MACC1: variants seen among roughly 807,000 people sequenced by gnomAD.
MACC1 encodes the protein metastasis-associated in colon cancer protein 1.
Under a neutral mutation model 70.7 loss-of-function variants are expected in MACC1, and 79 were observed. The observed-to-expected ratio is 1.12, with a 90% CI of 0.93 to 1.35. The LOEUF is 1.35. Among genes scored for constraint, MACC1 ranks in the 40% most tolerant of loss-of-function variants. The pLI is 0.00. For synonymous variants in MACC1, 361 were observed against 347.2 expected (o/e 1.04, Z -0.44); for missense variants, 1,106 against 978.1 (o/e 1.13, Z -1.74).
intron 3 of MACC1, among the ~76,000 whole-genome samples, chr7:20,162,327 T>A (rs191218228): frequency 5.3e-5 from 8 of 152,276 alleles, no homozygotes; most frequent in Non-Finnish European, 8.8e-5. Context: ...TCTTTTTTAA[T>A]AGTTAAAATT....
At chr7:20,189,911 G>C (rs1418361694) in intron 1 of MACC1, among the ~76,000 whole-genome samples, 1 of 152,216 alleles carries the variant, frequency 6.6e-6, no homozygotes, top group East Asian at 1.9e-4. Context: ...TCCAAGATCA[G>C]GGTGTCAGGT....
At chr7:20,196,797 T>A (rs1485166516) in intron 1 of MACC1, among the ~76,000 whole-genome samples, 2 of 151,796 alleles carry the variant, frequency 1.3e-5, no homozygotes, top group African/African-American at 4.8e-5. Flanking sequence ...CTTAAAAAAA[T>A]AAGGTTGAAA....
chr7:20,194,681 G>A (rs28670623), intron 1 of MACC1, among the ~76,000 whole-genome samples: 12,106 of 152,214 alleles, frequency 0.08, 538 homozygotes, highest in Non-Finnish European at 0.1. Context: ...AATAAGGAAA[G>A]GCTGTCTTTC....
rs1782120627 is a variant in MACC1 at position 20,160,119 on chromosome 7, A to G, written c.242T>C (p.Ile81Thr). ...CTTCCTGTTATTTCTTAGTTGAGTTATGTCATCCAAAAATGGGTTAGAAGC... is the reference window on the plus strand; with the variant it reads ...CTTCCTGTTATTTCTTAGTTGAGTTGTGTCATCCAAAAATGGGTTAGAAGC... The part of the protein sequence containing the change: ...LSASNPFLDD[I>T]TQLRNNRKRN... Residue 81 changes from isoleucine to threonine, a missense_variant, in exon 5 of 7, where the codon ATA (isoleucine) becomes ACA (threonine). Coordinates refer to ENST00000400331, the MANE Select transcript of MACC1 (RefSeq NM_182762.4). The G allele has an allele frequency of 6.2e-7, 1 of 1,613,352 alleles. No individual in the cohort carries two copies. The highest frequency in any genetic ancestry group is 1.7e-5 in the Admixed American group (1 of 59,846).
chr7:20,177,110 T>C (rs1180135500), intron 1 of MACC1, among the ~76,000 whole-genome samples: 5 of 152,144 alleles, frequency 3.3e-5, no homozygotes, highest in African/African-American at 4.8e-5. Flanking sequence ...TTATGTAAGA[T>C]GGTCCCTTTA....
chr7:20,162,201 G>A (rs1023559291), intron 3 of MACC1, among the ~76,000 whole-genome samples: 2 of 152,078 alleles, frequency 1.3e-5, no homozygotes, highest in African/African-American at 4.8e-5. Context: ...AACATTTCCT[G>A]TTTGGCGATT....
At position 20,201,169 on chromosome 7, in the gene MACC1, C is replaced by G. The variant is rs537734313; in HGVS notation, c.-218+16130G>C. 4.5e-4 allele frequency among the ~76,000 whole-genome samples: 68 copies of G among 152,198 alleles called. 1 individual carries two copies. The highest frequency in any genetic ancestry group is 6.2e-4 in the Non-Finnish European group (42 of 68,018). On this transcript the variant is annotated intron_variant, in intron 1 of 6. Coordinates refer to ENST00000400331, the MANE Select transcript of MACC1 (RefSeq NM_182762.4). ...GATGTGACACAGTCTGAGGTTTTAA[C>G]TAAAGAGAGGGAAGAAAGAAGCAGC...
At position 20,140,884 on chromosome 7, in the gene MACC1, GACACAC is replaced by G. The variant is rs55989776; in HGVS notation, c.*56_*61del. The G allele has an allele frequency of 2.2e-5, 22 of 985,088 alleles. No homozygotes were observed. The East Asian group carries it at 4.0e-4, about 18-fold the overall frequency. 61.0% of individuals were successfully genotyped at this position (985,088 alleles called of 1,614,324 possible). A position where few individuals can be genotyped will look rare whatever the true frequency, so the allele number is the denominator to read the frequency against. On this transcript the variant is annotated 3_prime_UTR_variant, in exon 7 of 7. Transcript: ENST00000400331. ...ACAGAGACACACACAGACACACACA[GACACAC>G]ACACACACACACCATTACCTCATTT... is the stretch of plus-strand genomic sequence containing the variant.
intron 6 of MACC1, among the ~76,000 whole-genome samples, chr7:20,142,722 T>G (rs1478305289): frequency 6.6e-6 from 1 of 152,198 alleles, no homozygotes; most frequent in African/African-American, 2.4e-5. Context: ...CGCTGCTCAG[T>G]TGCAAAGAAT....
intron 6 of MACC1, among the ~76,000 whole-genome samples, chr7:20,152,576 A>G (rs1781996742): frequency 6.6e-6 from 1 of 152,202 alleles, no homozygotes; most frequent in African/African-American, 2.4e-5. Context: ...GACTATTACT[A>G]TTAATCACAA....
At chr7:20,200,165 T>A (rs1431994349) in intron 1 of MACC1, among the ~76,000 whole-genome samples, 1 of 151,944 alleles carries the variant, frequency 6.6e-6, no homozygotes, top group African/African-American at 2.4e-5. Context: ...GAATAACAGT[T>A]TTATTGGGGA....
At chr7:20,163,673 A>G (rs1782169735) in intron 3 of MACC1, among the ~76,000 whole-genome samples, 2 of 152,200 alleles carry the variant, frequency 1.3e-5, no homozygotes, top group African/African-American at 4.8e-5. Context: ...TACATATATA[A>G]TTTCTCTTCA....
chr7:20,187,216 C>T (rs1782602280), intron 1 of MACC1, among the ~76,000 whole-genome samples: 1 of 152,006 alleles, frequency 6.6e-6, no homozygotes, highest in African/African-American at 2.4e-5. Context: ...TACATTATTT[C>T]ATATTAAGAT....
At position 20,144,091 on chromosome 7, in the gene MACC1, TAGAG is replaced by T. The variant is rs1243146960; in HGVS notation, c.2347-2937_2347-2934del. On this transcript the variant is annotated intron_variant, in intron 6 of 6. Transcript: ENST00000400331. ...CATTGGTAGCTCTCAACAAAGATGA[TAGAG>T]AAACACTTTTATAGCATAAATACAA... Among the ~76,000 whole-genome samples the T allele has an allele frequency of 7.9e-5, 12 of 152,312 alleles. No individual in the cohort carries two copies. In the East Asian group the frequency reaches 2.3e-3, roughly 29 times the overall value.
chr7:20,150,897 A>C (rs569658415), intron 6 of MACC1, among the ~76,000 whole-genome samples: 1 of 152,174 alleles, frequency 6.6e-6, no homozygotes, highest in East Asian at 1.9e-4. Flanking sequence ...AAAATACAAA[A>C]ATCAGGCAGG....
At chr7:20,190,926 G>A (rs1384764298) in intron 1 of MACC1, among the ~76,000 whole-genome samples, 1 of 152,174 alleles carries the variant, frequency 6.6e-6, no homozygotes, top group Non-Finnish European at 1.5e-5. Context: ...TGTACACAGA[G>A]CATATAAACA....
chr7:20,145,305 C>T (rs1239768324), intron 6 of MACC1, among the ~76,000 whole-genome samples: 5 of 151,966 alleles, frequency 3.3e-5, no homozygotes, highest in Non-Finnish European at 4.4e-5. Flanking sequence ...ACTTTGGTAA[C>T]TTGGAGAAGG....
chr7:20,217,050 CT>C (rs1273238773), intron 1 of MACC1, among the ~76,000 whole-genome samples: 1 of 151,876 alleles, frequency 6.6e-6, no homozygotes, highest in Non-Finnish European at 1.5e-5. Context: ...TGGGTTCCTC[CT>C]TTTTTTTAAA....
intron 6 of MACC1, chr7:20,147,543 C>G (rs1392764765): frequency 6.6e-6 from 1 of 152,136 alleles, no homozygotes; most frequent in African/African-American, 2.4e-5. Context: ...TTCAGGTAAG[C>G]TTTAACACTT....
Sources: gnomAD v4.1 joint callset for allele counts (sites outside exome capture counted in the v4.1 genomes callset) on GRCh38, gnomAD v4.1.1 for gene constraint, MANE v1.5 for transcripts, NCBI Gene and HGNC (gene_info 2026-07-23, HGNC 2026-07-21) for gene names.